MACROD2: variants seen among roughly 807,000 people sequenced by gnomAD.
MACROD2 encodes ADP-ribose glycohydrolase MACROD2.
A neutral mutation model predicts 70.4 loss-of-function variants in MACROD2; 36 were observed. That is an observed-to-expected ratio of 0.51 (90% confidence interval 0.39 to 0.68). The LOEUF is 0.68. Ranked by LOEUF, MACROD2 falls within the 30% of genes least tolerant of loss-of-function variation. The probability of loss-of-function intolerance (pLI) is 0.00; values close to 1 mark genes in which losing one functional copy is unlikely to be tolerated. For missense variants in MACROD2, 496 were observed against 538.4 expected, an observed-to-expected ratio of 0.92 and a Z score of 0.78; for synonymous variants, 172 against 178.8, an observed-to-expected ratio of 0.96 and a Z score of 0.30.
At chr20:15,486,087 C>A (rs779773906) in intron 7 of MACROD2, among the ~76,000 whole-genome samples, 6 of 151,838 alleles carry the variant, frequency 4.0e-5, no homozygotes, top group Non-Finnish European at 7.4e-5. Flanking sequence ...ATAATTTCTT[C>A]AGAGGTTTGG....
intron 8 of MACROD2, among the ~76,000 whole-genome samples, chr20:15,511,120 C>T (rs1352930584): frequency 6.6e-6 from 1 of 152,176 alleles, no homozygotes; most frequent in Admixed American, 6.5e-5. Context: ...TGCAGCCACC[C>T]AGCATCTGAG....
At chr20:14,918,014 C>T (rs1380159386) in intron 5 of MACROD2, among the ~76,000 whole-genome samples, 3 of 152,040 alleles carry the variant, frequency 2.0e-5, no homozygotes, top group African/African-American at 7.2e-5. Flanking sequence ...GCTCTGTTGC[C>T]CAGGCTGGAG....
intron 8 of MACROD2, among the ~76,000 whole-genome samples, chr20:15,714,142 A>G (rs752642361): frequency 6.6e-6 from 1 of 152,092 alleles, no homozygotes; most frequent in Admixed American, 6.5e-5. Flanking sequence ...TAACCAACCA[A>G]ACAAGCAAAC....
At chr20:14,255,489 A>C (rs1165316786) in intron 3 of MACROD2, among the ~76,000 whole-genome samples, 2 of 151,648 alleles carry the variant, frequency 1.3e-5, no homozygotes, top group Non-Finnish European at 2.9e-5. Context: ...GAACAATGAG[A>C]ACACATGGAC....
At chr20:14,235,055 G>T (rs577152611) in intron 3 of MACROD2, among the ~76,000 whole-genome samples, 1 of 152,006 alleles carries the variant, frequency 6.6e-6, no homozygotes, top group Non-Finnish European at 1.5e-5. Flanking sequence ...CTATTTATAG[G>T]TGGTAATTGG....
chr20:15,446,605 A>G (rs1326670), intron 7 of MACROD2, among the ~76,000 whole-genome samples: 94,068 of 152,104 alleles, frequency 0.62, 30,110 homozygotes, highest in African/African-American at 0.78. Flanking sequence ...GCATTCAACC[A>G]AACTTGCGAA....
chr20:15,238,132 A>T (rs908012202), intron 6 of MACROD2, among the ~76,000 whole-genome samples: 2 of 152,214 alleles, frequency 1.3e-5, no homozygotes, highest in Non-Finnish European at 2.9e-5. Flanking sequence ...GGTTTAAGTT[A>T]AACAGAGTTT....
chr20:15,669,445 C>T (rs1453742943), intron 8 of MACROD2, among the ~76,000 whole-genome samples: 2 of 152,168 alleles, frequency 1.3e-5, no homozygotes, highest in Non-Finnish European at 2.9e-5. Context: ...TTCTTTCCTA[C>T]TCTTGAAACT....
intron 8 of MACROD2, among the ~76,000 whole-genome samples, chr20:15,559,195 C>G (rs2048208354): frequency 7.0e-6 from 1 of 143,060 alleles, no homozygotes; most frequent in Non-Finnish European, 1.5e-5. Flanking sequence ...CCACTGCACT[C>G]CAGCCTGGGC....
At chr20:14,955,184 T>C (rs1246461244) in intron 5 of MACROD2, among the ~76,000 whole-genome samples, 1 of 132,106 alleles carries the variant, frequency 7.6e-6, no homozygotes, top group Non-Finnish European at 1.5e-5. Flanking sequence ...ATATAATATA[T>C]AATTTATATA....
intron 2 of MACROD2, among the ~76,000 whole-genome samples, chr20:14,033,952 C>T (rs1325531086): frequency 1.4e-5 from 2 of 145,092 alleles, no homozygotes; most frequent in South Asian, 4.4e-4. Context: ...ATCTACCTCA[C>T]CTATTTTTAT....
intron 4 of MACROD2, among the ~76,000 whole-genome samples, chr20:14,495,454 A>G (rs1247627631): frequency 6.6e-6 from 1 of 152,188 alleles, no homozygotes; most frequent in Non-Finnish European, 1.5e-5. Context: ...TTGTCTTTGA[A>G]TCTGGACAGT....
chr20:15,175,320 C>T (rs1286587153), intron 5 of MACROD2, among the ~76,000 whole-genome samples: 1 of 150,728 alleles, frequency 6.6e-6, no homozygotes, highest in East Asian at 2.0e-4. Flanking sequence ...GGAGATATAC[C>T]TAATGCTAAA....
At chr20:14,305,462 A>G (rs186311392) in intron 3 of MACROD2, among the ~76,000 whole-genome samples, 1 of 152,268 alleles carries the variant, frequency 6.6e-6, no homozygotes, top group South Asian at 2.1e-4. Context: ...GACTTGGAAC[A>G]GTATATATAG....
At chr20:16,022,628 A>C (rs1195125692) in intron 15 of MACROD2, among the ~76,000 whole-genome samples, 4 of 152,180 alleles carry the variant, frequency 2.6e-5, no homozygotes, top group Non-Finnish European at 5.9e-5. Context: ...AATTATCCTG[A>C]GTATATCCAA....
intron 4 of MACROD2, among the ~76,000 whole-genome samples, chr20:14,502,629 G>A (rs955482600): frequency 4.6e-5 from 7 of 152,106 alleles, no homozygotes; most frequent in Non-Finnish European, 7.3e-5. Flanking sequence ...CACTCTACTT[G>A]TCATTATTAT....
At chr20:15,779,007 G>A (rs1227646015) in intron 8 of MACROD2, among the ~76,000 whole-genome samples, 2 of 152,088 alleles carry the variant, frequency 1.3e-5, no homozygotes, top group Admixed American at 6.5e-5. Context: ...AACAGAGAGG[G>A]ATTGGAGAGG....
At chr20:14,022,333 C>CAATTTTAT (rs1370988919) in intron 2 of MACROD2, among the ~76,000 whole-genome samples, 1 of 151,806 alleles carries the variant, frequency 6.6e-6, no homozygotes, top group Non-Finnish European at 1.5e-5. Flanking sequence ...AATTATTTTA[C>CAATTTTAT]ATTTACTCAG....
intron 2 of MACROD2, among the ~76,000 whole-genome samples, chr20:14,033,085 CTTTTTTT>C (rs11480685): frequency 7.5e-6 from 1 of 132,634 alleles, no homozygotes; most frequent in African/African-American, 2.7e-5. Flanking sequence ...CTTGGTTTTT[CTTTTTTT>C]TTTTTTTTTA....
Sources: allele counts gnomAD v4.1 joint callset (sites outside exome capture counted in the v4.1 genomes callset), GRCh38; gene constraint gnomAD v4.1.1; transcripts MANE v1.5; gene names NCBI Gene and HGNC (gene_info 2026-07-23, HGNC 2026-07-21).